The following UBE2H variants were observed in gnomAD, a reference collection of about 807,000 sequenced individuals.
UBE2H encodes ubiquitin conjugating enzyme E2 H.
Under a neutral mutation model 29.0 loss-of-function variants are expected in UBE2H, and 3 were observed. The observed-to-expected ratio is 0.10, with a 90% CI of 0.05 to 0.27. The LOEUF is 0.27. UBE2H is among the 10% of genes least tolerant of loss of function. UBE2H has a pLI of 1.00. For synonymous variants in UBE2H, 69 were observed against 82.9 expected (o/e 0.83, Z 0.91); for missense variants, 68 against 228.2 (o/e 0.30, Z 4.52).
intron 1 of UBE2H, among the ~76,000 whole-genome samples, chr7:129,918,252 A>G (rs1478804776): frequency 1.3e-5 from 2 of 152,218 alleles, no homozygotes; most frequent in East Asian, 3.8e-4. Flanking sequence ...CCAGCTTTCT[A>G]AAGGAAGTTC....
intron 3 of UBE2H, among the ~76,000 whole-genome samples, chr7:129,874,228 T>C (rs1210468307): frequency 6.6e-6 from 1 of 151,816 alleles, no homozygotes; most frequent in Admixed American, 6.6e-5. Flanking sequence ...AAGGAGAATA[T>C]AATAGATCCA....
At chr7:129,938,413 CAAAAAAAA>C (rs34454670) in intron 1 of UBE2H, among the ~76,000 whole-genome samples, 24 of 38,040 alleles carry the variant, frequency 6.3e-4, no homozygotes, top group East Asian at 3.7e-3. Flanking sequence ...CTGCCTCATT[CAAAAAAAA>C]AAAAAAAAAA....
intron 3 of UBE2H, among the ~76,000 whole-genome samples, chr7:129,871,964 C>A (rs978704065): frequency 2.0e-5 from 3 of 151,984 alleles, no homozygotes; most frequent in African/African-American, 4.8e-5. Flanking sequence ...CTCCTTCCTC[C>A]GTCTCTCGAG....
At chr7:129,869,091 C>T in intron 3 of UBE2H, among the ~76,000 whole-genome samples, 1 of 152,058 alleles carries the variant, frequency 6.6e-6, no homozygotes, top group South Asian at 2.1e-4. Context: ...CATGTGCCAC[C>T]ATGCCCAGCT....
intron 1 of UBE2H, among the ~76,000 whole-genome samples, chr7:129,911,038 C>T (rs535539108): frequency 1.3e-5 from 2 of 151,776 alleles, no homozygotes; most frequent in South Asian, 2.1e-4. Flanking sequence ...CAGTGGTGGT[C>T]GCAATGGAGG....
Position 129,834,908 on chromosome 7 carries a change from G to T in UBE2H, c.*29C>A. 6.2e-7 allele frequency: 1 copy of T among 1,611,318 alleles called. No homozygotes were observed. Among genetic ancestry groups the T allele is most frequent in the Non-Finnish European group, 8.5e-7 (1 of 1,179,622 alleles). On this transcript the variant is annotated 3_prime_UTR_variant, in exon 7 of 7. Coordinates refer to ENST00000355621, the MANE Select transcript of UBE2H (RefSeq NM_003344.4). ...TGCTTCTCATGGTTAGGAAATAATA[G>T]TCTTTCTGAAAAGCAGGTGCTTTTT...
At chr7:129,938,339 G>A (rs1485065983) in intron 1 of UBE2H, among the ~76,000 whole-genome samples, 1 of 144,038 alleles carries the variant, frequency 6.9e-6, no homozygotes, top group Non-Finnish European at 1.5e-5. Context: ...GCACCCAGGA[G>A]GTCAAGGCTT....
intron 1 of UBE2H, among the ~76,000 whole-genome samples, chr7:129,910,301 C>G (rs963186399): frequency 1.3e-5 from 2 of 151,422 alleles, no homozygotes; most frequent in African/African-American, 4.9e-5. Context: ...TGCACTCCAG[C>G]CTGGACAACA....
intron 4 of UBE2H, 25 bp downstream of exon 4, chr7:129,858,875 TTG>T: frequency 6.3e-7 from 1 of 1,598,918 alleles, no homozygotes; most frequent in South Asian, 1.1e-5. Flanking sequence ...GCTGCTAAAA[TTG>T]AAACATTTTA....
At chr7:129,884,053 A>G (rs1806308154) in intron 1 of UBE2H, among the ~76,000 whole-genome samples, 1 of 151,796 alleles carries the variant, frequency 6.6e-6, no homozygotes, top group Admixed American at 6.6e-5. Flanking sequence ...CCAAAATTGC[A>G]CCACTGCAGT....
At chr7:129,903,555 G>GA (rs1806758920) in intron 1 of UBE2H, among the ~76,000 whole-genome samples, 2 of 152,152 alleles carry the variant, frequency 1.3e-5, no homozygotes, top group Non-Finnish European at 2.9e-5. Flanking sequence ...TTGAGGCCAG[G>GA]AGTTTGAGAC....
At chr7:129,919,669 C>T (rs976572633) in intron 1 of UBE2H, among the ~76,000 whole-genome samples, 1 of 152,218 alleles carries the variant, frequency 6.6e-6, no homozygotes, top group African/African-American at 2.4e-5. Flanking sequence ...GCACATTGCA[C>T]CCCGTTGTGT....
chr7:129,942,773 T>C (rs79808490), intron 1 of UBE2H, among the ~76,000 whole-genome samples: 9,384 of 152,084 alleles, frequency 0.062, 358 homozygotes, highest in Non-Finnish European at 0.091. Context: ...TTCACAAAGA[T>C]ATAGAGCCTT....
At chr7:129,924,947 T>C (rs1472307332) in intron 1 of UBE2H, among the ~76,000 whole-genome samples, 1 of 150,882 alleles carries the variant, frequency 6.6e-6, no homozygotes, top group African/African-American at 2.4e-5. Flanking sequence ...AGCTAAACTA[T>C]GAATAAAAAA....
intron 1 of UBE2H, among the ~76,000 whole-genome samples, chr7:129,890,340 T>TAC (rs1563035928): frequency 4.0e-5 from 6 of 151,888 alleles, no homozygotes; most frequent in African/African-American, 1.2e-4. Flanking sequence ...CGTGTGTATA[T>TAC]ATATGTATGT....
intron 3 of UBE2H, among the ~76,000 whole-genome samples, chr7:129,866,490 T>C (rs892472623): frequency 6.6e-6 from 1 of 152,200 alleles, no homozygotes. Context: ...ATAACCACAC[T>C]GTTGGGTTCA....
At chr7:129,930,665 T>C (rs1159040931) in intron 1 of UBE2H, among the ~76,000 whole-genome samples, 1 of 151,366 alleles carries the variant, frequency 6.6e-6, no homozygotes, top group Non-Finnish European at 1.5e-5. Flanking sequence ...TCCCAGCACT[T>C]TGGGAGGCCG....
chr7:129,935,039 C>G (rs1807498507), intron 1 of UBE2H, among the ~76,000 whole-genome samples: 1 of 149,490 alleles, frequency 6.7e-6, no homozygotes, highest in South Asian at 2.1e-4. Flanking sequence ...ATATGCACCA[C>G]AAAATAGAGG....
intron 1 of UBE2H, among the ~76,000 whole-genome samples, chr7:129,940,264 T>C (rs986222675): frequency 6.6e-6 from 1 of 152,238 alleles, no homozygotes; most frequent in Admixed American, 6.5e-5. Context: ...TGATTTTGTA[T>C]GTAGGGAGTA....
Sources: gnomAD v4.1 joint callset for allele counts (sites outside exome capture counted in the v4.1 genomes callset) on GRCh38, gnomAD v4.1.1 for gene constraint, MANE v1.5 for transcripts, NCBI Gene and HGNC (gene_info 2026-07-23, HGNC 2026-07-21) for gene names.